Variants in SLC24A2 observed in about 807,000 individuals in gnomAD.
SLC24A2 encodes the protein solute carrier family 24 member 2, also known as sodium/potassium/calcium exchanger 2.
Under a neutral mutation model 62.0 loss-of-function variants are expected in SLC24A2, and 36 were observed. The observed-to-expected ratio is 0.58, with a 90% CI of 0.44 to 0.77. The LOEUF (loss-of-function observed/expected upper bound fraction) is 0.77. Among genes scored for constraint, SLC24A2 ranks in the 30% least tolerant of loss-of-function variants. The probability of loss-of-function intolerance (pLI) is 0.00; values close to 1 mark genes in which losing one functional copy is unlikely to be tolerated. For synonymous variants in SLC24A2, 358 were observed against 294.0 expected, an observed-to-expected ratio of 1.22 and a Z score of -2.23; for missense variants, 846 against 817.9, an observed-to-expected ratio of 1.03 and a Z score of -0.42.
At chr9:19,826,047 G>A in the SLC24A2 span, among the ~76,000 whole-genome samples, 1 of 151,932 alleles carries the variant, frequency 6.6e-6, no homozygotes, top group South Asian at 2.1e-4. Flanking sequence ...CCTTGCTCAG[G>A]GGATGGAAAA....
intron 2 of SLC24A2, among the ~76,000 whole-genome samples, chr9:19,631,470 C>T (rs370569516): frequency 8.5e-5 from 13 of 152,196 alleles, no homozygotes; most frequent in African/African-American, 2.2e-4. Flanking sequence ...CATTTCACAA[C>T]GCTCCCAACT....
chr9:20,006,021 A>C, the SLC24A2 span, among the ~76,000 whole-genome samples: 1 of 151,868 alleles, frequency 6.6e-6, no homozygotes, highest in East Asian at 1.9e-4. Context: ...ATATATGCTT[A>C]TGTACACACA....
At chr9:19,590,149 GA>G (rs1836506694) in intron 5 of SLC24A2, among the ~76,000 whole-genome samples, 1 of 84,050 alleles carries the variant, frequency 1.2e-5, no homozygotes, top group South Asian at 5.8e-4. Flanking sequence ...CCAATTTGAA[GA>G]AAGAGGCTGT....
intron 2 of SLC24A2, among the ~76,000 whole-genome samples, chr9:19,684,697 C>T (rs1564036126): frequency 7.5e-6 from 1 of 134,110 alleles, no homozygotes; most frequent in South Asian, 2.7e-4. Context: ...TATAAGAAAC[C>T]TGGAAAACGC....
chr9:20,152,181 C>T, the SLC24A2 span, among the ~76,000 whole-genome samples: 2 of 151,986 alleles, frequency 1.3e-5, no homozygotes, highest in East Asian at 1.9e-4. Flanking sequence ...CCGGTTTTAG[C>T]TCTCCCTCTT....
At chr9:20,009,607 C>T in the SLC24A2 span, among the ~76,000 whole-genome samples, 75 of 152,256 alleles carry the variant, frequency 4.9e-4, no homozygotes, top group African/African-American at 1.7e-3. Flanking sequence ...CCTAAGTCTT[C>T]CCTAGGTCGA....
intron 7 of SLC24A2, among the ~76,000 whole-genome samples, chr9:19,556,078 C>A (rs370879614): frequency 1.4e-4 from 21 of 152,194 alleles, no homozygotes; most frequent in African/African-American, 5.1e-4. Context: ...AACTCTTACA[C>A]AGCACAGAAG....
At chr9:19,688,962 C>T (rs1819964819) in intron 2 of SLC24A2, among the ~76,000 whole-genome samples, 1 of 152,082 alleles carries the variant, frequency 6.6e-6, no homozygotes, top group African/African-American at 2.4e-5. Flanking sequence ...ACTTTAGATT[C>T]TATGAAACAG....
chr9:19,871,341 C>G, the SLC24A2 span, among the ~76,000 whole-genome samples: 1 of 152,040 alleles, frequency 6.6e-6, no homozygotes, highest in East Asian at 1.9e-4. Context: ...GTGAATTCTT[C>G]TTATGTTGAT....
chr9:20,193,726 T>C, the SLC24A2 span, among the ~76,000 whole-genome samples: 1 of 152,070 alleles, frequency 6.6e-6, no homozygotes, highest in Admixed American at 6.6e-5. Context: ...AATAACTGAA[T>C]AATTAGAGAC....
At chr9:19,541,562 T>C (rs1308320380) in intron 8 of SLC24A2, among the ~76,000 whole-genome samples, 1 of 147,082 alleles carries the variant, frequency 6.8e-6, no homozygotes, top group Non-Finnish European at 1.5e-5. Context: ...AGTCTGCCCG[T>C]TCTCAGATCT....
the SLC24A2 span, among the ~76,000 whole-genome samples, chr9:20,171,171 G>C: frequency 1.3e-5 from 2 of 151,966 alleles, no homozygotes; most frequent in Admixed American, 1.3e-4. Context: ...CAAATGCTGA[G>C]AGAATTTGCC....
chr9:20,248,572 C>A, the SLC24A2 span, among the ~76,000 whole-genome samples: 1 of 152,100 alleles, frequency 6.6e-6, no homozygotes, highest in Non-Finnish European at 1.5e-5. Context: ...GGCACTAATC[C>A]CGTTAATGAG....
At chr9:19,715,702 G>C (rs188789570) in intron 2 of SLC24A2, among the ~76,000 whole-genome samples, 1 of 152,214 alleles carries the variant, frequency 6.6e-6, no homozygotes, top group East Asian at 1.9e-4. Flanking sequence ...AGGGCTGGAG[G>C]GTACTTATAA....
intron 8 of SLC24A2, among the ~76,000 whole-genome samples, chr9:19,542,282 A>T (rs1159736342): frequency 6.6e-6 from 1 of 152,166 alleles, no homozygotes; most frequent in African/African-American, 2.4e-5. Flanking sequence ...GATTTTTTGC[A>T]CATTGATATT....
At chr9:19,591,323 G>A (rs1050178263) in intron 5 of SLC24A2, among the ~76,000 whole-genome samples, 1 of 152,158 alleles carries the variant, frequency 6.6e-6, no homozygotes, top group African/African-American at 2.4e-5. Context: ...TCTATTCTCA[G>A]TCTTCTCCAC....
the SLC24A2 span, among the ~76,000 whole-genome samples, chr9:20,218,629 G>A: frequency 6.6e-6 from 1 of 152,176 alleles, no homozygotes; most frequent in Non-Finnish European, 1.5e-5. Context: ...AATGTCCTGT[G>A]AAGTTCTAGT....
intron 2 of SLC24A2, among the ~76,000 whole-genome samples, chr9:19,743,893 T>C (rs773895652): frequency 6.6e-6 from 1 of 152,122 alleles, no homozygotes. Context: ...AGGAGGATAC[T>C]TTCTCACTTT....
chr9:19,614,340 C>T (rs1215158432), intron 4 of SLC24A2, among the ~76,000 whole-genome samples: 2 of 152,150 alleles, frequency 1.3e-5, no homozygotes, highest in African/African-American at 4.8e-5. Flanking sequence ...ATGTCCTGTT[C>T]AGAGTTTTGT....
Sources: gnomAD v4.1 joint callset for allele counts (sites outside exome capture counted in the v4.1 genomes callset) on GRCh38, gnomAD v4.1.1 for gene constraint, MANE v1.5 for transcripts, NCBI Gene and HGNC (gene_info 2026-07-23, HGNC 2026-07-21) for gene names.